The following ODAD2 variants were observed in gnomAD, a reference collection of about 807,000 sequenced individuals.
ODAD2 encodes the protein outer dynein arm-docking complex subunit 2.
A neutral mutation model predicts 106.8 loss-of-function variants in ODAD2; 89 were observed. The ratio of observed to expected loss-of-function variants is 0.83; its 90% CI spans 0.70 to 0.99. The LOEUF is 0.99. Ranked by LOEUF, ODAD2 falls within the 50% of genes least tolerant of loss-of-function variation. The pLI is 0.00. For missense variants in ODAD2, 1,168 were observed against 1,238.5 expected (o/e 0.94, Z 0.85); for synonymous variants, 404 against 436.2 (o/e 0.93, Z 0.92).
chr10:27,866,104 C>G (rs996103493), intron 17 of ODAD2, among the ~76,000 whole-genome samples: 2 of 152,184 alleles, frequency 1.3e-5, no homozygotes, highest in African/African-American at 2.4e-5. Flanking sequence ...CTTTATTACA[C>G]TTCTATGCAT....
intron 10 of ODAD2, 46 bp downstream of exon 10, chr10:27,961,522 T>C (rs541322624): frequency 2.0e-6 from 3 of 1,530,644 alleles, no homozygotes; most frequent in Admixed American, 3.8e-5. Context: ...TTTGGGAAAG[T>C]ATTTTAAATG....
chr10:27,996,188 T>C (rs112473879), intron 1 of ODAD2, among the ~76,000 whole-genome samples: 2,074 of 152,322 alleles, frequency 0.014, 52 homozygotes, highest in African/African-American at 0.047. Context: ...ATAGCACTTA[T>C]TGATAAAATC....
chr10:27,852,281 C>G (rs1298428257), intron 19 of ODAD2, among the ~76,000 whole-genome samples: 2 of 152,082 alleles, frequency 1.3e-5, no homozygotes, highest in Non-Finnish European at 2.9e-5. Context: ...ATAGAAAAGG[C>G]ATTTTCCTGT....
intron 10 of ODAD2, among the ~76,000 whole-genome samples, chr10:27,959,225 AGG>A: frequency 9.1e-4 from 17 of 18,670 alleles, no homozygotes; most frequent in Admixed American, 1.5e-3. Flanking sequence ...AGGGGAGGGG[AGG>A]GGAGGCGAGG....
At chr10:27,943,165 T>A (rs1259964742) in intron 12 of ODAD2, among the ~76,000 whole-genome samples, 2 of 152,238 alleles carry the variant, frequency 1.3e-5, no homozygotes, top group African/African-American at 4.8e-5. Context: ...ACATGTTGAC[T>A]TTTTAAAGAT....
intron 7 of ODAD2, among the ~76,000 whole-genome samples, chr10:27,977,107 A>T (rs1849239050): frequency 6.6e-6 from 1 of 152,196 alleles, no homozygotes; most frequent in Admixed American, 6.5e-5. Context: ...ATAGATATAG[A>T]TTGGAAAGGT....
At chr10:27,905,356 G>A (rs1478052079) in intron 17 of ODAD2, among the ~76,000 whole-genome samples, 2 of 152,062 alleles carry the variant, frequency 1.3e-5, no homozygotes, top group Non-Finnish European at 2.9e-5. Context: ...ACTGCTCAAG[G>A]AAATAAGAGA....
chr10:27,990,519 A>G (rs1460296799), intron 2 of ODAD2, among the ~76,000 whole-genome samples: 1 of 152,218 alleles, frequency 6.6e-6, no homozygotes, highest in Non-Finnish European at 1.5e-5. Context: ...TCTAAATAGT[A>G]ACATAGAAAA....
chr10:27,981,617 C>T (rs1379554217), intron 6 of ODAD2, 35 bp from the exon 7 acceptor site: 2 of 1,371,642 alleles, frequency 1.5e-6, no homozygotes, highest in Non-Finnish European at 9.9e-7. Flanking sequence ...CTATGATTAA[C>T]ATAAGAACAA....
At position 27,936,749 on chromosome 10, in the gene ODAD2, G is replaced by A. The variant is rs767502160; in HGVS notation, c.2229C>T (p.Ser743=). Residue 743 remains serine, a synonymous_variant, in exon 15 of 20, where the codon TCC becomes TCT. Transcript: ENST00000305242. ...AAVTGAIWKC[S]ISKENVTKFR... is the part of the protein sequence containing the mutation. ...ACTTGGTAACATTCTCTTTGCTGAT[G>A]GAACATTTCCATATAGCCCCTGTGA... The A allele has an allele frequency of 3.1e-6, 5 of 1,613,974 alleles. No homozygotes were observed. The highest frequency in any genetic ancestry group is 4.2e-6 in the Non-Finnish European group (5 of 1,179,914).
chr10:27,978,871 C>T (rs1219648051), intron 7 of ODAD2, among the ~76,000 whole-genome samples: 1 of 151,892 alleles, frequency 6.6e-6, no homozygotes, highest in African/African-American at 2.4e-5. Flanking sequence ...AATCCCACAG[C>T]TAACATCAGG....
chr10:27,828,437 G>A (rs1331897528), intron 19 of ODAD2, among the ~76,000 whole-genome samples: 1 of 152,198 alleles, frequency 6.6e-6, no homozygotes, highest in Non-Finnish European at 1.5e-5. Context: ...GGATGGGAAA[G>A]GCCGGGAGAA....
At chr10:27,844,619 C>A (rs1838580467) in intron 19 of ODAD2, among the ~76,000 whole-genome samples, 4 of 152,150 alleles carry the variant, frequency 2.6e-5, no homozygotes, top group Admixed American at 2.6e-4. Flanking sequence ...AACTCAATTT[C>A]TTTATCTGTA....
chr10:27,850,917 C>T (rs964242538), intron 19 of ODAD2, among the ~76,000 whole-genome samples: 3 of 152,218 alleles, frequency 2.0e-5, no homozygotes, highest in East Asian at 1.9e-4. Context: ...ACAGTCTGTC[C>T]GAGTTGAGGA....
intron 16 of ODAD2, among the ~76,000 whole-genome samples, chr10:27,915,787 C>G (rs962628240): frequency 6.6e-6 from 1 of 152,124 alleles, no homozygotes; most frequent in Non-Finnish European, 1.5e-5. Flanking sequence ...GTAAGTGGAG[C>G]ACACAAAACC....
chr10:27,961,554 T>C lies in ODAD2; in HGVS notation c.1386+14A>G, dbSNP rs113561552. The C allele has an allele frequency of 1.2e-4, 186 of 1,608,802 alleles. No individual in the cohort carries two copies. In the African/African-American group the frequency reaches 2.1e-3, roughly 18 times the overall value. ...AATGAACATTGCAAACATACTACCA[T>C]AGACCTTTCTTACCTTTAAATATTT... On this transcript the variant is annotated intron_variant, in intron 10 of 19. Transcript: ENST00000305242.
chr10:27,984,671 T>A (rs1306602374), intron 4 of ODAD2, among the ~76,000 whole-genome samples: 1 of 152,192 alleles, frequency 6.6e-6, no homozygotes, highest in African/African-American at 2.4e-5. Flanking sequence ...CAGAATTGCA[T>A]GAAACCCCAC....
intron 3 of ODAD2, among the ~76,000 whole-genome samples, chr10:27,985,992 T>G (rs765762038): frequency 6.6e-6 from 1 of 152,072 alleles, no homozygotes; most frequent in Admixed American, 6.6e-5. Context: ...AAAATATGTA[T>G]GCATTGAGAT....
intron 2 of ODAD2, among the ~76,000 whole-genome samples, chr10:27,988,792 T>C (rs1850040061): frequency 6.6e-6 from 1 of 152,126 alleles, no homozygotes; most frequent in Non-Finnish European, 1.5e-5. Context: ...AACAGAATAA[T>C]GTTCACATCT....
Sources: allele counts gnomAD v4.1 joint callset (sites outside exome capture counted in the v4.1 genomes callset), GRCh38; gene constraint gnomAD v4.1.1; transcripts MANE v1.5; gene names NCBI Gene and HGNC (gene_info 2026-07-23, HGNC 2026-07-21).